The following AJAP1 variants were observed in gnomAD, a reference collection of about 807,000 sequenced individuals.
AJAP1 encodes adherens junction-associated protein 1.
Under a neutral mutation model 35.0 loss-of-function variants are expected in AJAP1, and 5 were observed. The ratio of observed to expected loss-of-function variants is 0.14; its 90% confidence interval spans 0.07 to 0.30. AJAP1 has a LOEUF of 0.30. Ranked by LOEUF, AJAP1 falls within the 10% of genes least tolerant of loss-of-function variation. AJAP1 has a pLI of 1.00. For missense variants in AJAP1, 586 were observed against 571.0 expected (o/e 1.03, Z -0.27); for synonymous variants, 284 against 249.3 (o/e 1.14, Z -1.31).
At chr1:4,769,179 C>T (rs1641769995) in intron 2 of AJAP1, among the ~76,000 whole-genome samples, 1 of 152,182 alleles carries the variant, frequency 6.6e-6, no homozygotes, top group Non-Finnish European at 1.5e-5. Context: ...ATGGATTCTC[C>T]TTTGGGACTG....
At chr1:4,662,351 C>G (rs1171889976) in intron 1 of AJAP1, among the ~76,000 whole-genome samples, 1 of 152,170 alleles carries the variant, frequency 6.6e-6, no homozygotes, top group Non-Finnish European at 1.5e-5. Context: ...ATGTGGTCAT[C>G]CTTTTTGTCT....
intron 2 of AJAP1, among the ~76,000 whole-genome samples, chr1:4,730,150 C>A (rs1640765202): frequency 6.6e-6 from 1 of 152,202 alleles, no homozygotes. Flanking sequence ...CTCGCAGATT[C>A]CACCCCTACA....
chr1:4,677,524 C>G (rs535472341), intron 1 of AJAP1, among the ~76,000 whole-genome samples: 1 of 152,048 alleles, frequency 6.6e-6, no homozygotes, highest in South Asian at 2.1e-4. Context: ...GATTCCACCT[C>G]TCTCTGGGTC....
In AJAP1 at chr1:4,772,420, C is replaced by A. The variant is rs1382479386; in HGVS notation, c.1058C>A (p.Thr353Asn). 3 of 1,614,142 alleles carry A rather than the reference C, an allele frequency of 1.9e-6. No individual in the cohort carries two copies. The South Asian group carries it at 3.3e-5, about 18-fold the overall frequency. The change falls in exon 4 of 6, where the codon ACC becomes AAC. Residue 353 changes from threonine to asparagine, a missense_variant. Transcript: ENST00000378191. ...SLDIFTAYNETLQCSHECVRA... is the reference protein window; with the variant it reads ...SLDIFTAYNENLQCSHECVRA... ...GACATATTCACGGCCTATAACGAGA[C>A]CCTGCAGTGTTCTCACGAGTGCGTC...
At chr1:4,689,503 C>T (rs924024605) in intron 1 of AJAP1, among the ~76,000 whole-genome samples, 2 of 152,282 alleles carry the variant, frequency 1.3e-5, no homozygotes, top group African/African-American at 2.4e-5. Context: ...GCCTCTGAGC[C>T]GATGGCCCCT....
At chr1:4,695,212 G>A (rs1023163184) in intron 1 of AJAP1, among the ~76,000 whole-genome samples, 1 of 152,172 alleles carries the variant, frequency 6.6e-6, no homozygotes, top group African/African-American at 2.4e-5. Flanking sequence ...GATGGGCAGG[G>A]CCTATGAGCA....
intron 1 of AJAP1, 62 bp from the exon 2 acceptor site, chr1:4,711,838 G>A (rs571820806): frequency 3.0e-6 from 4 of 1,337,438 alleles, no homozygotes; most frequent in Admixed American, 3.0e-5. Flanking sequence ...AGAGGGCCCC[G>A]GGGCCCAGTC....
Position 4,726,883 on chromosome 1 carries a change from G to A in AJAP1, c.829+14184G>A, listed in dbSNP as rs560941353. Among the ~76,000 whole-genome samples, 36 of 152,296 alleles carry A rather than the reference G, an allele frequency of 2.4e-4. No individual in the cohort carries two copies. In the South Asian group the frequency reaches 7.5e-3, roughly 32 times the overall value. On this transcript the variant is annotated intron_variant, in intron 2 of 5. Transcript: ENST00000378191. ...GTCTGATGAAATAGGACAGAAAACA[G>A]GCACGGAAGAGCTTCCAAGAGGCAG...
intron 2 of AJAP1, among the ~76,000 whole-genome samples, chr1:4,745,359 C>T (rs982995396): frequency 6.6e-6 from 1 of 152,058 alleles, no homozygotes; most frequent in Non-Finnish European, 1.5e-5. Context: ...CTCCAGGGCT[C>T]TGCCTTTCTC....
chr1:4,752,187 AGAGAGGAGGAGG>A (rs1641334626), intron 2 of AJAP1, among the ~76,000 whole-genome samples: 2 of 145,864 alleles, frequency 1.4e-5, no homozygotes, highest in East Asian at 2.1e-4. Flanking sequence ...GAGGGAGGAG[AGAGAGGAGGAGG>A]GAGAGGAGGA....
chr1:4,700,783 G>A (rs1333237210), intron 1 of AJAP1, among the ~76,000 whole-genome samples: 1 of 152,202 alleles, frequency 6.6e-6, no homozygotes, highest in East Asian at 1.9e-4. Context: ...CACATCCTGA[G>A]TGCTGCCCAG....
At chr1:4,725,704 C>T (rs898800052) in intron 2 of AJAP1, among the ~76,000 whole-genome samples, 3 of 152,020 alleles carry the variant, frequency 2.0e-5, no homozygotes, top group Non-Finnish European at 4.4e-5. Context: ...TGTTCTCCAC[C>T]GTCCTGGAGG....
At chr1:4,768,681 C>T (rs2100357015) in intron 2 of AJAP1, among the ~76,000 whole-genome samples, 1 of 152,314 alleles carries the variant, frequency 6.6e-6, no homozygotes. Context: ...GCTTGGATCT[C>T]AGGTGGAAGG....
intron 1 of AJAP1, among the ~76,000 whole-genome samples, chr1:4,679,196 C>T (rs180733673): frequency 2.8e-4 from 42 of 152,246 alleles, no homozygotes; most frequent in East Asian, 7.8e-4. Flanking sequence ...TGCTGCCTGA[C>T]GTAGTAATTT....
chr1:4,683,186 T>G (rs1639526985), intron 1 of AJAP1, among the ~76,000 whole-genome samples: 1 of 152,206 alleles, frequency 6.6e-6, no homozygotes, highest in Non-Finnish European at 1.5e-5. Flanking sequence ...ATCTGTAGAA[T>G]GGGGTTAATA....
chr1:4,748,086 A>G (rs1210696650), intron 2 of AJAP1, among the ~76,000 whole-genome samples: 3 of 151,712 alleles, frequency 2.0e-5, no homozygotes, highest in African/African-American at 7.3e-5. Flanking sequence ...TTGCTGCCAG[A>G]TGCAGCCCTA....
intron 2 of AJAP1, among the ~76,000 whole-genome samples, chr1:4,741,824 G>C (rs1042316838): frequency 6.6e-6 from 1 of 152,154 alleles, no homozygotes; most frequent in African/African-American, 2.4e-5. Context: ...GGAATATCTT[G>C]TTCCAGAAAG....
chr1:4,670,401 C>T (rs1435388609), intron 1 of AJAP1, among the ~76,000 whole-genome samples: 2 of 152,274 alleles, frequency 1.3e-5, no homozygotes, highest in South Asian at 2.1e-4. Context: ...TTTTCCTGGA[C>T]CTCAGAGCTG....
At chr1:4,663,048 C>G (rs1001946563) in intron 1 of AJAP1, among the ~76,000 whole-genome samples, 2 of 152,170 alleles carry the variant, frequency 1.3e-5, no homozygotes, top group African/African-American at 4.8e-5. Context: ...GTGCCTCCCC[C>G]TTCCCAGGGG....
Sources: allele counts gnomAD v4.1 joint callset (sites outside exome capture counted in the v4.1 genomes callset), GRCh38; gene constraint gnomAD v4.1.1; transcripts MANE v1.5; gene names NCBI Gene and HGNC (gene_info 2026-07-23, HGNC 2026-07-21).